Variants in OTUD7A observed in about 807,000 individuals in gnomAD.
OTUD7A encodes OTU deubiquitinase 7A, also known as OTU domain-containing protein 7A.
Under a neutral mutation model 65.7 loss-of-function variants are expected in OTUD7A, and 12 were observed. That is an observed-to-expected ratio of 0.18 (90% CI 0.12 to 0.30). The LOEUF is 0.30. Ranked by LOEUF, OTUD7A falls within the 10% of genes least tolerant of loss-of-function variation. The probability of loss-of-function intolerance (pLI) is 1.00; values close to 1 mark genes in which losing one functional copy is unlikely to be tolerated. For missense variants in OTUD7A, 1,148 were observed against 1,304.8 expected (o/e 0.88, Z 1.85); for synonymous variants, 641 against 586.3 (o/e 1.09, Z -1.35).
intron 4 of OTUD7A, among the ~76,000 whole-genome samples, chr15:31,564,387 GT>G (rs398026753): frequency 0.059 from 7,087 of 119,714 alleles, 627 homozygotes; most frequent in African/African-American, 0.14. Context: ...TTTGAGGAAG[GT>G]TTTTTTTTTT....
intron 1 of OTUD7A, among the ~76,000 whole-genome samples, chr15:31,691,499 CTTTAAT>C (rs1892961780): frequency 6.6e-6 from 1 of 152,248 alleles, no homozygotes; most frequent in Non-Finnish European, 1.5e-5. Flanking sequence ...AACACAGTCT[CTTTAAT>C]AAATGGTGCT....
chr15:31,588,183 C>T (rs997303855), intron 3 of OTUD7A, among the ~76,000 whole-genome samples: 1 of 152,230 alleles, frequency 6.6e-6, no homozygotes, highest in African/African-American at 2.4e-5. Flanking sequence ...CAATGGAATG[C>T]TATGTGGCAA....
intron 1 of OTUD7A, among the ~76,000 whole-genome samples, chr15:31,850,672 T>C (rs1326707470): frequency 3.3e-5 from 5 of 152,138 alleles, no homozygotes; most frequent in African/African-American, 1.2e-4. Context: ...TACAAAGCAC[T>C]TTTACAACCT....
intron 1 of OTUD7A, among the ~76,000 whole-genome samples, chr15:31,825,255 A>C (rs923505318): frequency 2.0e-5 from 3 of 152,262 alleles, no homozygotes; most frequent in Non-Finnish European, 4.4e-5. Flanking sequence ...AATTTACAAA[A>C]GAAAGAGGTT....
chr15:31,592,918 T>G (rs769167326), intron 3 of OTUD7A, among the ~76,000 whole-genome samples: 1 of 64,098 alleles, frequency 1.6e-5, no homozygotes, highest in Non-Finnish European at 2.5e-5. Context: ...TATATATATA[T>G]ATATATATAT....
chr15:31,514,601 C>T (rs1396121374), intron 8 of OTUD7A, among the ~76,000 whole-genome samples: 1 of 152,208 alleles, frequency 6.6e-6, no homozygotes, highest in African/African-American at 2.4e-5. Context: ...AAAACTTGTT[C>T]GTATTCATTC....
At chr15:31,777,295 C>T (rs1274968795) in intron 1 of OTUD7A, among the ~76,000 whole-genome samples, 1 of 152,208 alleles carries the variant, frequency 6.6e-6, no homozygotes, top group African/African-American at 2.4e-5. Context: ...TAAGGGCTCA[C>T]TTCCCAATCC....
intron 1 of OTUD7A, among the ~76,000 whole-genome samples, chr15:31,720,401 ATTTT>A (rs781404973): frequency 3.8e-5 from 5 of 132,934 alleles, no homozygotes; most frequent in African/African-American, 1.4e-4. Flanking sequence ...CAGTAACTTC[ATTTT>A]TTTTTTTTTT....
At chr15:31,828,092 T>C (rs944389792) in intron 1 of OTUD7A, among the ~76,000 whole-genome samples, 2 of 152,208 alleles carry the variant, frequency 1.3e-5, no homozygotes, top group Non-Finnish European at 2.9e-5. Context: ...TCTTTTCCAC[T>C]TTCCATCCTG....
At chr15:31,610,617 A>ATATTTTTTTTTT in intron 3 of OTUD7A, among the ~76,000 whole-genome samples, 6 of 30,562 alleles carry the variant, frequency 2.0e-4, no homozygotes, top group African/African-American at 8.5e-4. Context: ...ATATATATAT[A>ATATTTTTTTTTT]TTTTTTTTTT....
chr15:31,774,632 T>A (rs950085462), intron 1 of OTUD7A, among the ~76,000 whole-genome samples: 4 of 152,194 alleles, frequency 2.6e-5, no homozygotes, highest in Non-Finnish European at 4.4e-5. Flanking sequence ...CTCAGATACT[T>A]ACTGCTAGTT....
intron 1 of OTUD7A, among the ~76,000 whole-genome samples, chr15:31,679,751 G>C (rs548734005): frequency 6.6e-6 from 1 of 151,988 alleles, no homozygotes; most frequent in African/African-American, 2.4e-5. Context: ...ACCCAATCTT[G>C]GGCAGCTCTT....
intron 1 of OTUD7A, among the ~76,000 whole-genome samples, chr15:31,835,213 G>A (rs1323707991): frequency 1.3e-5 from 2 of 152,194 alleles, no homozygotes; most frequent in Non-Finnish European, 2.9e-5. Context: ...GAAAAGCTAG[G>A]TTTACCAGAT....
intron 1 of OTUD7A, among the ~76,000 whole-genome samples, chr15:31,860,669 G>GTA (rs1303646405): frequency 1.3e-4 from 2 of 14,864 alleles, no homozygotes; most frequent in Non-Finnish European, 2.3e-4. Flanking sequence ...ATATATAGAT[G>GTA]TATGTGTGTA....
intron 1 of OTUD7A, among the ~76,000 whole-genome samples, chr15:31,867,147 C>T (rs1431050980): frequency 6.6e-6 from 1 of 152,104 alleles, no homozygotes; most frequent in Non-Finnish European, 1.5e-5. Flanking sequence ...GAGTTCAGTC[C>T]CTGCGAGGAA....
At chr15:31,704,529 A>G (rs2654075) in intron 1 of OTUD7A, among the ~76,000 whole-genome samples, 1,904 of 138,932 alleles carry the variant, frequency 0.014, 7 homozygotes, top group African/African-American at 0.034. Flanking sequence ...AGTCACTCAT[A>G]GCAGTTTAAT....
Position 31,484,566 on chromosome 15 carries a change from C to T in OTUD7A, c.1530G>A (p.Lys510=). 2 of 1,611,336 alleles carry T rather than the reference C, an allele frequency of 1.2e-6. No homozygotes were observed. The highest frequency in any genetic ancestry group is 8.5e-7 in the Non-Finnish European group (1 of 1,179,740). The change falls in exon 13 of 13, where the codon AAG becomes AAA. Residue 510 remains lysine (K), a synonymous_variant. Transcript: ENST00000307050. This position sits in a 1 kb window ranked among gnomAD's most constrained non-coding sequence, Gnocchi z 4.5. ...AGTCGGCGCGCGTCTTGTCCTTCTC[C>T]TTGCGCTGCTTCTCCTTCTCCTTGT... ...GKDKEKEKQR[K]EKDKTRADSV...
At chr15:31,619,399 T>C (rs1043822886) in intron 3 of OTUD7A, among the ~76,000 whole-genome samples, 4 of 152,212 alleles carry the variant, frequency 2.6e-5, no homozygotes, top group Admixed American at 1.3e-4. Flanking sequence ...ATTCTTCCTA[T>C]CCATGAGCAT....
chr15:31,662,588 C>T (rs936585081), intron 1 of OTUD7A, among the ~76,000 whole-genome samples: 3 of 152,124 alleles, frequency 2.0e-5, no homozygotes, highest in Non-Finnish European at 2.9e-5. Flanking sequence ...TTTACTGTTC[C>T]GGATCTAGAA....
Sources: gnomAD v4.1 joint callset for allele counts (sites outside exome capture counted in the v4.1 genomes callset) on GRCh38, gnomAD v4.1.1 for gene constraint, Gnocchi (gnomAD v3.1) non-coding constraint, MANE v1.5 for transcripts, NCBI Gene and HGNC (gene_info 2026-07-23, HGNC 2026-07-21) for gene names.